Variants in SLC25A48 observed in about 807,000 individuals in gnomAD.
SLC25A48 encodes the protein CTC-321K16.1.
Under a neutral mutation model 32.2 loss-of-function variants are expected in SLC25A48, and 29 were observed. The ratio of observed to expected loss-of-function variants is 0.90; its 90% confidence interval spans 0.67 to 1.23. SLC25A48 has a LOEUF of 1.23. SLC25A48 is among the 50% of genes most tolerant of loss of function. The probability of loss-of-function intolerance (pLI) is 0.00; values close to 1 mark genes in which losing one functional copy is unlikely to be tolerated. For synonymous variants in SLC25A48, 164 were observed against 172.3 expected, an observed-to-expected ratio of 0.95 and a Z score of 0.38; for missense variants, 399 against 422.7, an observed-to-expected ratio of 0.94 and a Z score of 0.49.
At chr5:135,734,212 G>A (rs1328317069) in intron 3 of SLC25A48, among the ~76,000 whole-genome samples, 1 of 152,116 alleles carries the variant, frequency 6.6e-6, no homozygotes, top group Non-Finnish European at 1.5e-5. Context: ...ATACTTGTGG[G>A]TTAAGGTGGG....
At chr5:135,626,641 C>T (rs1453170849) in intron 1 of SLC25A48, among the ~76,000 whole-genome samples, 1 of 152,172 alleles carries the variant, frequency 6.6e-6, no homozygotes, top group Non-Finnish European at 1.5e-5. Flanking sequence ...TGTGGACAAA[C>T]CACTTCGGTG....
At chr5:135,674,145 A>G (rs1204539935) in intron 3 of SLC25A48, among the ~76,000 whole-genome samples, 1 of 151,934 alleles carries the variant, frequency 6.6e-6, no homozygotes, top group Non-Finnish European at 1.5e-5. Context: ...AAACATTTTA[A>G]TTGATTTATA....
chr5:135,873,563 C>T (rs1221949743), intron 5 of SLC25A48, among the ~76,000 whole-genome samples: 1 of 152,222 alleles, frequency 6.6e-6, no homozygotes, highest in Non-Finnish European at 1.5e-5. Flanking sequence ...AAATCCTGCC[C>T]TCAGTGAGCT....
intron 3 of SLC25A48, among the ~76,000 whole-genome samples, chr5:135,769,250 T>C (rs1756333529): frequency 1.8e-5 from 1 of 56,484 alleles, no homozygotes; most frequent in Non-Finnish European, 4.8e-5. Flanking sequence ...GTAATTTTGT[T>C]TGCAATATTG....
chr5:135,721,449 C>T (rs905154730), intron 3 of SLC25A48, among the ~76,000 whole-genome samples: 6 of 151,888 alleles, frequency 4.0e-5, no homozygotes, highest in African/African-American at 1.5e-4. Flanking sequence ...ATGACCTGTC[C>T]GCCTAGGTCT....
At chr5:135,617,673 GT>G (rs199796432) in intron 1 of SLC25A48, among the ~76,000 whole-genome samples, 2 of 150,860 alleles carry the variant, frequency 1.3e-5, no homozygotes, top group Non-Finnish European at 3.0e-5. Flanking sequence ...TGTTTCAACA[GT>G]TTTTTTTTAA....
chr5:135,697,414 T>C (rs1294521102), intron 3 of SLC25A48, among the ~76,000 whole-genome samples: 1 of 152,208 alleles, frequency 6.6e-6, no homozygotes, highest in East Asian at 1.9e-4. Context: ...CACAGGGTGG[T>C]CACAGCTCCT....
At chr5:135,602,954 A>G (rs767926881) in intron 1 of SLC25A48, among the ~76,000 whole-genome samples, 5 of 152,168 alleles carry the variant, frequency 3.3e-5, no homozygotes, top group Non-Finnish European at 7.3e-5. Flanking sequence ...CCTCACTGTC[A>G]GTCCATTCAG....
chr5:135,627,532 C>T (rs1163190399), intron 1 of SLC25A48, among the ~76,000 whole-genome samples: 1 of 152,186 alleles, frequency 6.6e-6, no homozygotes, highest in Non-Finnish European at 1.5e-5. Flanking sequence ...TCTTTCTGCT[C>T]TTCCAATACT....
intron 6 of SLC25A48, chr5:135,875,876 G>A (rs1247281644): frequency 6.6e-6 from 1 of 152,228 alleles, no homozygotes; most frequent in African/African-American, 2.4e-5. Flanking sequence ...CAAGACCCTA[G>A]TGGTGCCCTG....
At chr5:135,693,749 A>T (rs1754200248) in intron 3 of SLC25A48, among the ~76,000 whole-genome samples, 1 of 152,202 alleles carries the variant, frequency 6.6e-6, no homozygotes, top group African/African-American at 2.4e-5. Flanking sequence ...GGCATCTGCC[A>T]TGGGAAAAAG....
chr5:135,595,241 G>A (rs1751621098), intron 1 of SLC25A48, among the ~76,000 whole-genome samples: 1 of 152,190 alleles, frequency 6.6e-6, no homozygotes, highest in African/African-American at 2.4e-5. Context: ...TTGGAGACAA[G>A]ATTTTATGGG....
intron 6 of SLC25A48, among the ~76,000 whole-genome samples, chr5:135,877,779 G>A (rs977850304): frequency 6.6e-6 from 1 of 152,098 alleles, no homozygotes; most frequent in Non-Finnish European, 1.5e-5. Context: ...GTGATGGGGA[G>A]ATACCAAGTG....
In SLC25A48 at chr5:135,724,731, G is replaced by T. The variant is rs181721408; in HGVS notation, c.-520-87792G>T. Reference sequence around the variant, plus strand: ...CTATGACCAGGGTTCTGTTCTCCTCGTTGGGAGATGATTTCAACAGACTGC... The same window carrying T: ...CTATGACCAGGGTTCTGTTCTCCTCTTTGGGAGATGATTTCAACAGACTGC... On this transcript the variant is annotated intron_variant, in intron 3 of 10. Transcript: ENST00000646290. Among the ~76,000 whole-genome samples the T allele has an allele frequency of 1.1e-4, 16 of 152,350 alleles. No individual in the cohort carries two copies. The East Asian group carries it at 3.1e-3, about 29-fold the overall frequency.
intron 1 of SLC25A48, among the ~76,000 whole-genome samples, chr5:135,611,644 G>A (rs1308513890): frequency 6.6e-6 from 1 of 152,004 alleles, no homozygotes; most frequent in Non-Finnish European, 1.5e-5. Flanking sequence ...CCTGGGAGGT[G>A]GAGGTTGCAG....
At chr5:135,817,556 T>G (rs1757754911) in intron 4 of SLC25A48, among the ~76,000 whole-genome samples, 1 of 152,152 alleles carries the variant, frequency 6.6e-6, no homozygotes, top group Non-Finnish European at 1.5e-5. Context: ...CAGGCCTAAA[T>G]ATAAAAGCTG....
chr5:135,708,586 G>T (rs1270347175), intron 3 of SLC25A48, among the ~76,000 whole-genome samples: 1 of 152,164 alleles, frequency 6.6e-6, no homozygotes, highest in Non-Finnish European at 1.5e-5. Flanking sequence ...GCCCCACCCC[G>T]GTCAGGCAGA....
Position 135,732,947 on chromosome 5 carries a change from G to C in SLC25A48, c.-520-79576G>C, listed in dbSNP as rs1340541198. Among the ~76,000 whole-genome samples, 3 of 152,322 alleles carry C rather than the reference G, an allele frequency of 2.0e-5. No homozygotes were observed. The East Asian group carries it at 5.8e-4, about 29-fold the overall frequency. On this transcript the variant is annotated intron_variant, in intron 3 of 10. Transcript: ENST00000646290. Reference sequence around the variant, plus strand: ...ATGGCTCTTGCAGTGAATGACTCCAGCTTCCTTTGGAAGTAAAGTGGCTTT... The same window carrying C: ...ATGGCTCTTGCAGTGAATGACTCCACCTTCCTTTGGAAGTAAAGTGGCTTT...
chr5:135,792,917 G>A lies in SLC25A48; in HGVS notation c.-520-19606G>A, dbSNP rs76544280. Among the ~76,000 whole-genome samples the A allele has an allele frequency of 9.6e-3, 1,453 of 150,902 alleles. 24 individuals are homozygous for A. Among genetic ancestry groups the A allele is most frequent in the African/African-American group, 0.032 (1,328 of 41,080 alleles). On this transcript the variant is annotated intron_variant, in intron 3 of 10. Transcript: ENST00000646290. ...GGGTGTACACCCTGGGATATGGTTC[G>A]TAATATCCTGGAAAGATATTATTCA... is the stretch of plus-strand genomic sequence containing the variant.
Sources: gnomAD v4.1 joint callset for allele counts (sites outside exome capture counted in the v4.1 genomes callset) on GRCh38, gnomAD v4.1.1 for gene constraint, MANE v1.5 for transcripts, NCBI Gene and HGNC (gene_info 2026-07-23, HGNC 2026-07-21) for gene names.